BMP15: variants seen among roughly 807,000 people sequenced by gnomAD.
The protein encoded by BMP15 is growth/differentiation factor 9B.
In BMP15, 5 loss-of-function variants were observed where a neutral mutation model predicts 4.4. The ratio of observed to expected loss-of-function variants is 1.13; its 90% CI spans 0.59 to 2.38. The LOEUF is 2.38. BMP15 is among the 30% of genes most tolerant of loss of function. The pLI is 0.01. For synonymous variants in BMP15, 125 were observed against 114.6 expected (o/e 1.09, Z -0.58); for missense variants, 339 against 309.8 (o/e 1.09, Z -0.71).
At chrX:50,911,180 TTGG>T (rs1923008201) in intron 1 of BMP15, 69 bp downstream of exon 1, 3 of 1,096,683 alleles carry the variant, frequency 2.7e-6, no homozygotes, top group South Asian at 3.9e-5. Flanking sequence ...GAAAAGGGAA[TTGG>T]TGGGTTTACT....
At position 50,910,852 on chromosome X, in the gene BMP15, C is replaced by G. The variant is rs1557279882; in HGVS notation, c.69C>G (p.Ala23=). 2 of 1,209,130 alleles carry G rather than the reference C, an allele frequency of 1.7e-6. No individual in the cohort carries two copies. The highest frequency in any genetic ancestry group is 2.2e-5 in the Admixed American group (1 of 45,838). ...TCGTGCTTTTCATGGAACACAGGGC[C>G]CAAATGGCAGAAGGAGGGCAGTCCT... ...CELVLFMEHR[A]QMAEGGQSSI... Residue 23 remains alanine, a synonymous_variant, in exon 1 of 2, where the codon GCC becomes GCG. Coordinates refer to ENST00000252677, the MANE Select transcript of BMP15 (RefSeq NM_005448.2).
Position 50,911,105 on chromosome X carries a change from C to T in BMP15, c.322C>T (p.His108Tyr). Residue 108 changes from histidine to tyrosine, a missense_variant, in exon 1 of 2, where the codon CAC (histidine) becomes TAC (tyrosine). Physicochemically the swap from His to Tyr is moderately conservative, Grantham distance 83. Transcript: ENST00000252677. ...GCCCTTGACCAATGTGGCAAGGCCT[C>T]ACAGAGGTGAGTTGTTATGCCCCCA... Reference protein sequence around the residue: ...VKPLTNVARPHRGTWHIQILG... With the variant: ...VKPLTNVARPYRGTWHIQILG... The T allele has an allele frequency of 8.5e-7, 1 of 1,178,580 alleles. No individual in the cohort carries two copies. Among genetic ancestry groups the T allele is most frequent in the Non-Finnish European group, 1.1e-6 (1 of 878,573 alleles).
At position 50,916,143 on chromosome X, in the gene BMP15, A is replaced by G; in HGVS notation, c.715A>G (p.Thr239Ala). The G allele has an allele frequency of 2.5e-6, 3 of 1,211,440 alleles. No individual in the cohort carries two copies. The highest frequency in any genetic ancestry group is 2.2e-6 in the Non-Finnish European group (2 of 895,485). Residue 239 changes from threonine to alanine, a missense_variant, in exon 2 of 2, where the codon ACT becomes GCT. By Grantham distance (58) the Thr-to-Ala change is moderately conservative. Coordinates refer to ENST00000252677, the MANE Select transcript of BMP15 (RefSeq NM_005448.2). ...IAFLLLYFNDTHKSIRKAKFL... is the reference protein window; with the variant it reads ...IAFLLLYFNDAHKSIRKAKFL... The stretch of plus-strand genomic sequence containing the variant: ...CTTCTTGTTACTCTATTTCAATGAT[A>G]CTCATAAAAGCATTCGGAAGGCTAA...
intron 1 of BMP15, 151 bp downstream of exon 1, chrX:50,911,262 G>A (rs956367286): frequency 2.9e-6 from 2 of 681,674 alleles, no homozygotes; most frequent in Non-Finnish European, 4.5e-6. Flanking sequence ...GCAAGCTTTG[G>A]AGAAGCCAGC....
chrX:50,914,257 C>T (rs1006948081), intron 1 of BMP15, among the ~76,000 whole-genome samples: 1 of 110,547 alleles, frequency 9.0e-6, no homozygotes, highest in East Asian at 3.1e-4. Context: ...GAGGCGTGAG[C>T]CACCGCGCCC....
In BMP15 at chrX:50,916,594, G is replaced by C; in HGVS notation, c.1166G>C (p.Cys389Ser). The C allele has an allele frequency of 8.3e-7, 1 of 1,211,403 alleles. No homozygotes were observed. The highest frequency in any genetic ancestry group is 3.0e-5 in the East Asian group (1 of 33,831). The part of the protein sequence containing the change: ...KEYEGMIAES[C>S]TCR ...TATGAGGGTATGATTGCTGAGTCTT[G>C]TACATGCAGATGACAGCAACAGTAC... The change falls in exon 2 of 2, where the codon TGT becomes TCT. Residue 389 changes from cysteine (C) to serine (S), a missense_variant. Coordinates refer to ENST00000252677, the MANE Select transcript of BMP15 (RefSeq NM_005448.2).
rs1021034516 is a variant in BMP15, at chrX:50,913,924, C to T, written c.329-1833C>T. Among the ~76,000 whole-genome samples, 5 of 111,346 alleles carry T rather than the reference C, an allele frequency of 4.5e-5. No homozygotes were observed. In the East Asian group the frequency reaches 8.5e-4, roughly 19 times the overall value. On this transcript the variant is annotated intron_variant, in intron 1 of 1. Coordinates refer to ENST00000252677, the MANE Select transcript of BMP15 (RefSeq NM_005448.2). ...GGATTTGTGTGAATAATGTCTAGTG[C>T]GCCAAGCCCAAGGGTATATTAAGCA...
rs1569550126 is a variant in BMP15, at chrX:50,911,003, T to C, written c.220T>C (p.Tyr74His). ...TTCACTGCGGTACATGCTGGAGTTG[T>C]ACCGGCGTTCAGCTGACTCGCATGG... ...GHSLRYMLEL[Y>H]RRSADSHGHP... is the part of the protein sequence containing the mutation. The change falls in exon 1 of 2, where the codon TAC (tyrosine) becomes CAC (histidine). Residue 74 changes from tyrosine (Y) to histidine (H), a missense_variant. By Grantham distance (83) the Tyr-to-His change is moderately conservative (BLOSUM62 2). Coordinates refer to ENST00000252677, the MANE Select transcript of BMP15 (RefSeq NM_005448.2). The C allele has an allele frequency of 8.4e-7, 1 of 1,194,218 alleles. No individual in the cohort carries two copies.
chrX:50,911,402 G>A (rs1557279972), intron 1 of BMP15, among the ~76,000 whole-genome samples: 1 of 112,395 alleles, frequency 8.9e-6, no homozygotes, highest in African/African-American at 3.2e-5. Flanking sequence ...AACTTTTATT[G>A]CTTGTGATAG....
chrX:50,911,572 T>G (rs1557279989), intron 1 of BMP15, among the ~76,000 whole-genome samples: 1 of 111,896 alleles, frequency 8.9e-6, no homozygotes, highest in Non-Finnish European at 1.9e-5. Context: ...CCTGGCTCTG[T>G]GAACATGTGC....
intron 1 of BMP15, among the ~76,000 whole-genome samples, chrX:50,915,309 T>C (rs1923102399): frequency 8.9e-6 from 1 of 111,837 alleles, no homozygotes; most frequent in Admixed American, 9.5e-5. Flanking sequence ...ACACATTTAA[T>C]GGTCAACTAA....
intron 1 of BMP15, among the ~76,000 whole-genome samples, chrX:50,914,119 T>C (rs1030198899): frequency 2.4e-4 from 27 of 111,598 alleles, no homozygotes; most frequent in East Asian, 1.1e-3. Flanking sequence ...TACAGGTGCC[T>C]GCCACCACGC....
chrX:50,914,436 A>G (rs1435763081), intron 1 of BMP15, among the ~76,000 whole-genome samples: 5 of 111,935 alleles, frequency 4.5e-5, no homozygotes, highest in African/African-American at 1.3e-4. Context: ...ACAAAACAGA[A>G]AAAGCTGGGC....
intron 1 of BMP15, among the ~76,000 whole-genome samples, chrX:50,912,770 C>T (rs1040987165): frequency 3.3e-4 from 37 of 111,728 alleles, no homozygotes; most frequent in Non-Finnish European, 5.1e-4. Flanking sequence ...CATATGTTCT[C>T]GTAGGGGAGA....
intron 1 of BMP15, among the ~76,000 whole-genome samples, chrX:50,913,918 C>T (rs1192434874): frequency 9.0e-6 from 1 of 111,442 alleles, no homozygotes; most frequent in East Asian, 2.8e-4. Context: ...TGAATAATGT[C>T]TAGTGCGCCA....
At chrX:50,914,007 A>G (rs962340593) in intron 1 of BMP15, among the ~76,000 whole-genome samples, 1 of 111,783 alleles carries the variant, frequency 8.9e-6, no homozygotes, top group Non-Finnish European at 1.9e-5. Context: ...TTTCGCTCTT[A>G]TCATCCAGGC....
rs782820544 is a variant in BMP15, at chrX:50,910,876, C to T, written c.93C>T (p.Ser31=). The T allele has an allele frequency of 2.5e-6, 3 of 1,204,603 alleles. No homozygotes were observed. Among genetic ancestry groups the T allele is most frequent in the East Asian group, 3.0e-5 (1 of 33,602 alleles). ...HRAQMAEGGQ[S]SIALLAEAPT... is the part of the protein sequence containing the mutation. ...CCCAAATGGCAGAAGGAGGGCAGTC[C>T]TCTATTGCCCTTCTGGCTGAGGCCC... The change falls in exon 1 of 2, where the codon TCC becomes TCT. Residue 31 remains serine, a synonymous_variant. Coordinates refer to ENST00000252677, the MANE Select transcript of BMP15 (RefSeq NM_005448.2).
At chrX:50,911,861 T>C (rs782140929) in intron 1 of BMP15, among the ~76,000 whole-genome samples, 1 of 111,402 alleles carries the variant, frequency 9.0e-6, no homozygotes, top group Non-Finnish European at 1.9e-5. Context: ...TTTTGGAACT[T>C]TTTTTTGTCC....
chrX:50,916,132 A>T lies in BMP15; in HGVS notation c.704A>T (p.Tyr235Phe). Residue 235 changes from tyrosine (Y) to phenylalanine (F), a missense_variant, in exon 2 of 2, where the codon TAT (tyrosine) becomes TTT (phenylalanine). Transcript: ENST00000252677. ...TTGGACATTGCCTTCTTGTTACTCT[A>T]TTTCAATGATACTCATAAAAGCATT... ...SSLDIAFLLL[Y>F]FNDTHKSIRK... 1 of 1,211,483 alleles carries T rather than the reference A, an allele frequency of 8.3e-7. No homozygotes were observed. Among genetic ancestry groups the T allele is most frequent in the South Asian group, 1.8e-5 (1 of 56,956 alleles).
Sources: gnomAD v4.1 joint callset for allele counts (sites outside exome capture counted in the v4.1 genomes callset) on GRCh38, gnomAD v4.1.1 for gene constraint, MANE v1.5 for transcripts, NCBI Gene and HGNC (gene_info 2026-07-23, HGNC 2026-07-21) for gene names.